CHRNB3: variants seen among roughly 807,000 people sequenced by gnomAD.
CHRNB3 encodes the protein cholinergic receptor nicotinic beta 3 subunit.
Under a neutral mutation model 40.6 loss-of-function variants are expected in CHRNB3, and 37 were observed. That is an observed-to-expected ratio of 0.91 (90% CI 0.70 to 1.20). The LOEUF (loss-of-function observed/expected upper bound fraction) is 1.20. Ranked by LOEUF, CHRNB3 falls within the 50% of genes most tolerant of loss-of-function variation. The pLI is 0.00. For missense variants in CHRNB3, 505 were observed against 551.2 expected, an observed-to-expected ratio of 0.92 and a Z score of 0.84; for synonymous variants, 207 against 207.1, an observed-to-expected ratio of 1.00 and a Z score of 0.00.
At position 42,736,849 on chromosome 8, in the gene CHRNB3, C is replaced by T; in HGVS notation, c.*231C>T. 1 of 564,928 alleles carries T rather than the reference C, an allele frequency of 1.8e-6. No homozygotes were observed. Among genetic ancestry groups the T allele is most frequent in the Middle Eastern group, 4.8e-4 (1 of 2,088 alleles). 35.0% of individuals were successfully genotyped at this position (564,928 alleles called of 1,614,324 possible). ...CTCCTCAGACCCCTGCCTTGGCTTTCCCAGACATTCAGGGAGGGATCATAG... is the reference window on the plus strand; with the variant it reads ...CTCCTCAGACCCCTGCCTTGGCTTTTCCAGACATTCAGGGAGGGATCATAG... On this transcript the variant is annotated 3_prime_UTR_variant, in exon 6 of 6. Transcript: ENST00000289957.
At chr8:42,726,509 TAGCTCTGTCATCCAGAGCCA>T (rs1279845823) in intron 3 of CHRNB3, among the ~76,000 whole-genome samples, 76 of 149,544 alleles carry the variant, frequency 5.1e-4, no homozygotes, top group African/African-American at 1.5e-3. Flanking sequence ...AGATACAGTC[TAGCTCTGTCATCCAGAGCCA>T]AGCTCTGTCA....
At chr8:42,721,218 C>G (rs1296151555) in intron 3 of CHRNB3, among the ~76,000 whole-genome samples, 1 of 152,214 alleles carries the variant, frequency 6.6e-6, no homozygotes, top group Non-Finnish European at 1.5e-5. Flanking sequence ...CATAAACTAA[C>G]ACTAGCAAAA....
chr8:42,720,111 CTTTTTTTTTTTTTTTTTTTTTTT>C (rs869178430), intron 3 of CHRNB3, among the ~76,000 whole-genome samples: 1 of 48,746 alleles, frequency 2.1e-5, no homozygotes, highest in Admixed American at 3.6e-4. Context: ...CAGAAGCCTT[CTTTTTTTTTTTTTTTTTTTTTTT>C]TTTTTTTTTT....
At chr8:42,706,297 G>T (rs969502467) in intron 1 of CHRNB3, among the ~76,000 whole-genome samples, 2 of 152,050 alleles carry the variant, frequency 1.3e-5, no homozygotes, top group African/African-American at 4.8e-5. Flanking sequence ...GCACAGTTAG[G>T]GCCATATGGG....
chr8:42,699,887 T>C (rs1415925325), intron 1 of CHRNB3, among the ~76,000 whole-genome samples: 2 of 150,164 alleles, frequency 1.3e-5, no homozygotes, highest in East Asian at 1.9e-4. Context: ...GTATGCTTTT[T>C]TTTTTTTTTT....
At position 42,708,855 on chromosome 8, in the gene CHRNB3, A is replaced by T; in HGVS notation, c.191A>T (p.Gln64Leu). The change falls in exon 2 of 6, where the codon CAG (glutamine) becomes CTG (leucine). Residue 64 changes from glutamine to leucine, a missense_variant. Gln to Leu is a moderately radical substitution (Grantham distance 113). Transcript: ENST00000289957. ...GTATATTTTGGATTGAAAATATCCC[A>T]GCTTGTAGATGTGGTGAGTAATCCT... The part of the protein sequence containing the change: ...IKVYFGLKIS[Q>L]LVDVDEKNQL... The T allele has an allele frequency of 1.2e-6, 2 of 1,613,202 alleles. No individual in the cohort carries two copies. The highest frequency in any genetic ancestry group is 1.7e-6 in the Non-Finnish European group (2 of 1,179,582).
chr8:42,731,899 A>T lies in CHRNB3; in HGVS notation c.592A>T (p.Asn198Tyr). ...TGTCGACAGAAAAGACTTCTTCGATAACGGAGAATGGGAAATACTGAACGC... is the reference window on the plus strand; with the variant it reads ...TGTCGACAGAAAAGACTTCTTCGATTACGGAGAATGGGAAATACTGAACGC... The part of the protein sequence containing the change: ...ENVDRKDFFD[N>Y]GEWEILNAKG... The change falls in exon 5 of 6, where the codon AAC (asparagine) becomes TAC (tyrosine). Residue 198 changes from asparagine to tyrosine, a missense_variant. Transcript: ENST00000289957. 1 of 1,614,206 alleles carries T rather than the reference A, an allele frequency of 6.2e-7. No individual in the cohort carries two copies. Among genetic ancestry groups the T allele is most frequent in the Non-Finnish European group, 8.5e-7 (1 of 1,180,048 alleles).
chr8:42,716,132 T>C (rs188936896), intron 3 of CHRNB3, among the ~76,000 whole-genome samples: 8,638 of 151,962 alleles, frequency 0.057, 326 homozygotes, highest in Middle Eastern at 0.11. Flanking sequence ...CCGGCCACCA[T>C]GCCCAGCTAA....
intron 4 of CHRNB3, among the ~76,000 whole-genome samples, chr8:42,731,190 C>G (rs1816411673): frequency 6.6e-6 from 1 of 152,052 alleles, no homozygotes; most frequent in South Asian, 2.1e-4. Context: ...AGGCAAAATA[C>G]TTAAAAGAAA....
chr8:42,717,403 A>AAAAAAAAAAAAAAAAAAAAAG lies in CHRNB3; in HGVS notation c.249+6971_249+6972insAAAAAAAAAAAAAAAAAAGAA, dbSNP rs71221230. On this transcript the variant is annotated intron_variant, in intron 3 of 5. Transcript: ENST00000289957. ...AAAAAAAAAAAAAAAAAAAAAAAAA[A>AAAAAAAAAAAAAAAAAAAAAG]AAGCCGACCTGTTGTGGAAAGGTCA... Among the ~76,000 whole-genome samples, 43 of 50,906 alleles carry AAAAAAAAAAAAAAAAAAAAAG rather than the reference A, an allele frequency of 8.4e-4. 18 individuals are homozygous for AAAAAAAAAAAAAAAAAAAAAG. The highest frequency in any genetic ancestry group is 1.1e-3 in the Non-Finnish European group (30 of 26,716). 33.4% of individuals were successfully genotyped at this position (50,906 alleles called of 152,430 possible). A position where few individuals can be genotyped will look rare whatever the true frequency, so the allele number is the denominator to read the frequency against.
In CHRNB3 at chr8:42,736,743, A is replaced by T; in HGVS notation, c.*125A>T. The stretch of plus-strand genomic sequence containing the variant: ...TGCGTTGTCTTTGTGGAAATGGAAC[A>T]TCTCCTCATGGGAGAAACTCTGGTA... On this transcript the variant is annotated 3_prime_UTR_variant, in exon 6 of 6. Coordinates refer to ENST00000289957, the MANE Select transcript of CHRNB3 (RefSeq NM_000749.5). The T allele has an allele frequency of 8.7e-7, 1 of 1,151,308 alleles. No homozygotes were observed. Among genetic ancestry groups the T allele is most frequent in the African/African-American group, 1.5e-5 (1 of 65,168 alleles). 71.3% of individuals were successfully genotyped at this position (1,151,308 alleles called of 1,614,324 possible).
At chr8:42,717,373 C>T (rs1586400294) in intron 3 of CHRNB3, among the ~76,000 whole-genome samples, 1 of 11,196 alleles carries the variant, frequency 8.9e-5, no homozygotes, top group Non-Finnish European at 1.7e-4. Flanking sequence ...GACTCCGTCT[C>T]AAAAAAAAAA....
At chr8:42,723,126 A>AC (rs939235200) in intron 3 of CHRNB3, among the ~76,000 whole-genome samples, 37 of 151,132 alleles carry the variant, frequency 2.4e-4, no homozygotes, top group African/African-American at 5.6e-4. Flanking sequence ...CCTATTACTT[A>AC]GATATTTACT....
At chr8:42,706,390 CAT>C (rs1466302645) in intron 1 of CHRNB3, among the ~76,000 whole-genome samples, 2 of 152,200 alleles carry the variant, frequency 1.3e-5, no homozygotes, top group Admixed American at 1.3e-4. Flanking sequence ...AGGGAACTGA[CAT>C]AATCCTCTAG....
chr8:42,728,380 G>A (rs943751232), intron 3 of CHRNB3, among the ~76,000 whole-genome samples: 7 of 152,072 alleles, frequency 4.6e-5, no homozygotes, highest in Middle Eastern at 6.8e-3. Flanking sequence ...ACAATTAGCC[G>A]GGTGTGGTGG....
Position 42,731,940 on chromosome 8 carries a change from G to C in CHRNB3, c.633G>C (p.Gly211=), listed in dbSNP as rs779235455. 3.7e-6 allele frequency: 6 copies of C among 1,614,150 alleles called. No individual in the cohort carries two copies. The East Asian group carries it at 1.1e-4, about 30-fold the overall frequency. The change falls in exon 5 of 6, where the codon GGG becomes GGC. Residue 211 remains glycine (G), a synonymous_variant. Coordinates refer to ENST00000289957, the MANE Select transcript of CHRNB3 (RefSeq NM_000749.5). The part of the protein sequence containing the change: ...WEILNAKGMK[G]NRRDGVYSYP... ...TACTGAACGCAAAGGGGATGAAGGG[G>C]AACAGAAGGGACGGCGTGTACTCCT...
intron 3 of CHRNB3, among the ~76,000 whole-genome samples, chr8:42,717,166 G>A (rs943204067): frequency 2.7e-5 from 4 of 147,800 alleles, no homozygotes; most frequent in Non-Finnish European, 6.0e-5. Flanking sequence ...GAGGTCAGGA[G>A]ATCGAGACCA....
chr8:42,711,971 A>G (rs531600373), intron 3 of CHRNB3, among the ~76,000 whole-genome samples: 2 of 151,766 alleles, frequency 1.3e-5, no homozygotes, highest in Non-Finnish European at 2.9e-5. Context: ...TTGATTTTCT[A>G]AAGTTTTTTG....
chr8:42,698,640 A>C (rs781482574), intron 1 of CHRNB3, among the ~76,000 whole-genome samples: 34 of 152,242 alleles, frequency 2.2e-4, no homozygotes, highest in Non-Finnish European at 4.1e-4. Context: ...AGAAAGCCTC[A>C]AACTCACTTT....
Sources: gnomAD v4.1 joint callset for allele counts (sites outside exome capture counted in the v4.1 genomes callset) on GRCh38, gnomAD v4.1.1 for gene constraint, MANE v1.5 for transcripts, NCBI Gene and HGNC (gene_info 2026-07-23, HGNC 2026-07-21) for gene names.